Variants in PCSK2 observed in about 807,000 individuals in gnomAD.
PCSK2 encodes proprotein convertase subtilisin/kexin type 2, also known as neuroendocrine convertase 2.
In PCSK2, 14 loss-of-function variants were observed where a neutral mutation model predicts 69.7. The ratio of observed to expected loss-of-function variants is 0.20; its 90% confidence interval spans 0.13 to 0.31. PCSK2 has a LOEUF of 0.31. Among genes scored for constraint, PCSK2 ranks in the 10% least tolerant of loss-of-function variants. PCSK2 has a pLI of 1.00. For missense variants in PCSK2, 544 were observed against 842.5 expected (o/e 0.65, Z 4.39); for synonymous variants, 307 against 320.7 (o/e 0.96, Z 0.46).
intron 8 of PCSK2, among the ~76,000 whole-genome samples, chr20:17,443,214 G>C (rs540490262): frequency 6.6e-6 from 1 of 152,310 alleles, no homozygotes; most frequent in South Asian, 2.1e-4. Flanking sequence ...AGGAAATAGT[G>C]AAGACGCTTT....
chr20:17,369,185 G>A, intron 4 of PCSK2, 55 bp from the exon 5 acceptor site: 1 of 1,519,994 alleles, frequency 6.6e-7, no homozygotes, highest in Admixed American at 1.7e-5. Flanking sequence ...CTTTCCTGAG[G>A]ACACAGTGGC....
At chr20:17,375,573 G>A (rs1002684747) in intron 5 of PCSK2, among the ~76,000 whole-genome samples, 2 of 152,100 alleles carry the variant, frequency 1.3e-5, no homozygotes, top group African/African-American at 4.8e-5. Flanking sequence ...GTGGGCAAAG[G>A]GATTATAAGG....
chr20:17,292,161 T>G (rs1042061643), intron 2 of PCSK2, among the ~76,000 whole-genome samples: 2 of 152,310 alleles, frequency 1.3e-5, no homozygotes, highest in Admixed American at 1.3e-4. Context: ...CTTGATCTTT[T>G]TATTCATAGA....
intron 1 of PCSK2, among the ~76,000 whole-genome samples, chr20:17,256,760 T>C (rs867428750): frequency 3.9e-5 from 6 of 152,112 alleles, no homozygotes; most frequent in Non-Finnish European, 5.9e-5. Context: ...TCTCCTAATG[T>C]TATTCCTCCC....
At chr20:17,391,903 AG>A (rs1235305318) in intron 5 of PCSK2, among the ~76,000 whole-genome samples, 4 of 132,704 alleles carry the variant, frequency 3.0e-5, no homozygotes, top group East Asian at 4.3e-4. Flanking sequence ...AGAGAAAGAG[AG>A]AGAGGAAGGA....
chr20:17,445,320 C>G (rs550480387), intron 8 of PCSK2, among the ~76,000 whole-genome samples: 1 of 152,100 alleles, frequency 6.6e-6, no homozygotes, highest in Non-Finnish European at 1.5e-5. Context: ...CCAGGGCAAC[C>G]CTGGCACACC....
rs1035098343 is a variant in PCSK2, at chr20:17,367,530, C to T, written c.506-1710C>T. Reference sequence around the variant, plus strand: ...ATCCACTGATTTCAAAGCCTATGCTCATCCCCAACTTCACCCCACAGCCTA... The same window carrying T: ...ATCCACTGATTTCAAAGCCTATGCTTATCCCCAACTTCACCCCACAGCCTA... On this transcript the variant is annotated intron_variant, in intron 4 of 11. Coordinates refer to ENST00000262545, the MANE Select transcript of PCSK2 (RefSeq NM_002594.5). Among the ~76,000 whole-genome samples, 4 of 152,264 alleles carry T rather than the reference C, an allele frequency of 2.6e-5. No homozygotes were observed. In the South Asian group the frequency reaches 8.3e-4, roughly 32 times the overall value.
chr20:17,366,716 G>A (rs754292446), intron 4 of PCSK2, among the ~76,000 whole-genome samples: 23 of 152,198 alleles, frequency 1.5e-4, no homozygotes, highest in Admixed American at 3.3e-4. Context: ...CTTCACAGTC[G>A]TATCAATCAT....
chr20:17,343,859 G>T (rs1465937839), intron 2 of PCSK2, among the ~76,000 whole-genome samples: 1 of 152,154 alleles, frequency 6.6e-6, no homozygotes, highest in East Asian at 1.9e-4. Flanking sequence ...AAGAATCCCT[G>T]CCCCCTACAA....
chr20:17,291,961 G>T (rs1988710616), intron 2 of PCSK2, among the ~76,000 whole-genome samples: 1 of 152,072 alleles, frequency 6.6e-6, no homozygotes, highest in Non-Finnish European at 1.5e-5. Flanking sequence ...AAAATCTAGG[G>T]GTAAAAAGTG....
intron 1 of PCSK2, among the ~76,000 whole-genome samples, chr20:17,237,882 C>A (rs1026916271): frequency 1.3e-5 from 2 of 151,932 alleles, no homozygotes; most frequent in African/African-American, 4.8e-5. Flanking sequence ...AGTTATCCTG[C>A]CTGAGGGGTG....
At chr20:17,322,995 G>T (rs1989921638) in intron 2 of PCSK2, among the ~76,000 whole-genome samples, 1 of 152,136 alleles carries the variant, frequency 6.6e-6, no homozygotes, top group Non-Finnish European at 1.5e-5. Context: ...TCCCAGAGTA[G>T]CTGGGATTAC....
In PCSK2 at chr20:17,328,301, A is replaced by G. The variant is rs1294511049; in HGVS notation, c.283-30026A>G. 4.0e-5 allele frequency among the ~76,000 whole-genome samples: 6 copies of G among 151,236 alleles called. No individual in the cohort carries two copies. The East Asian group carries it at 7.7e-4, about 19-fold the overall frequency. ...CCACAATGGAGTTTCCTTCCCATGT[A>G]TGTGTGTGTGTATTTTAATATATAT... On this transcript the variant is annotated intron_variant, in intron 2 of 11. Transcript: ENST00000262545.
At chr20:17,249,638 G>A (rs74935350) in intron 1 of PCSK2, among the ~76,000 whole-genome samples, 161 of 152,194 alleles carry the variant, frequency 1.1e-3, no homozygotes, top group African/African-American at 3.7e-3. Context: ...ACCAAATGTG[G>A]TATACAGGGT....
At chr20:17,431,747 C>A (rs1426783013) in intron 7 of PCSK2, among the ~76,000 whole-genome samples, 1 of 152,194 alleles carries the variant, frequency 6.6e-6, no homozygotes, top group Non-Finnish European at 1.5e-5. Flanking sequence ...TGAGGAAGCA[C>A]TGGGGAATTA....
At chr20:17,371,953 GA>G (rs776519177) in intron 5 of PCSK2, among the ~76,000 whole-genome samples, 1 of 151,988 alleles carries the variant, frequency 6.6e-6, no homozygotes, top group South Asian at 2.1e-4. Context: ...GCTTTTCCTG[GA>G]AAAAAGAAAA....
chr20:17,414,102 C>G (rs1334235362), intron 6 of PCSK2, among the ~76,000 whole-genome samples: 1 of 152,004 alleles, frequency 6.6e-6, no homozygotes, highest in Non-Finnish European at 1.5e-5. Context: ...AATCGACACC[C>G]TAACATCACA....
At chr20:17,425,987 C>A (rs1275224439) in intron 6 of PCSK2, among the ~76,000 whole-genome samples, 1 of 152,090 alleles carries the variant, frequency 6.6e-6, no homozygotes, top group Non-Finnish European at 1.5e-5. Context: ...TGACTGGTGA[C>A]CATTTAGCAT....
chr20:17,361,419 G>A (rs552641005), intron 4 of PCSK2, among the ~76,000 whole-genome samples: 18 of 152,340 alleles, frequency 1.2e-4, no homozygotes, highest in East Asian at 3.9e-4. Flanking sequence ...AACTACACAC[G>A]TCCTTGGCCC....
Sources: gnomAD v4.1 joint callset for allele counts (sites outside exome capture counted in the v4.1 genomes callset) on GRCh38, gnomAD v4.1.1 for gene constraint, MANE v1.5 for transcripts, NCBI Gene and HGNC (gene_info 2026-07-23, HGNC 2026-07-21) for gene names.